The following DHRSX variants were observed in gnomAD, a reference collection of about 807,000 sequenced individuals.
The protein encoded by DHRSX is dehydrogenase/reductase X-linked, also known as polyprenol dehydrogenase.
Under a neutral mutation model 34.0 loss-of-function variants are expected in DHRSX, and 31 were observed. That is an observed-to-expected ratio of 0.91 (90% CI 0.69 to 1.23). The LOEUF (loss-of-function observed/expected upper bound fraction) is 1.23. DHRSX is among the 50% of genes most tolerant of loss of function. The probability of loss-of-function intolerance (pLI) is 0.00; values close to 1 mark genes in which losing one functional copy is unlikely to be tolerated. For synonymous variants in DHRSX, 201 were observed against 183.8 expected, an observed-to-expected ratio of 1.09 and a Z score of -0.76; for missense variants, 414 against 428.1, an observed-to-expected ratio of 0.97 and a Z score of 0.29.
chrX:2,483,879 C>A (rs4492534), intron 1 of DHRSX, among the ~76,000 whole-genome samples: 46,236 of 150,910 alleles, frequency 0.31, 7,984 homozygotes, highest in African/African-American at 0.47. Context: ...TACATTCGTA[C>A]ATTTTTTTTC....
At chrX:2,402,657 C>T (rs1255801234) in intron 3 of DHRSX, among the ~76,000 whole-genome samples, 7 of 152,016 alleles carry the variant, frequency 4.6e-5, no homozygotes, top group Non-Finnish European at 1.0e-4. Flanking sequence ...ATACCAGGGC[C>T]ACCACTGATG....
intron 3 of DHRSX, among the ~76,000 whole-genome samples, chrX:2,357,121 G>A (rs1189213087): frequency 6.6e-6 from 1 of 152,106 alleles, no homozygotes; most frequent in East Asian, 1.9e-4. Flanking sequence ...GCGTGCGCCT[G>A]TAATGCCAGC....
chrX:2,267,409 G>T (rs1274913172), intron 4 of DHRSX, among the ~76,000 whole-genome samples: 6 of 152,198 alleles, frequency 3.9e-5, no homozygotes, highest in African/African-American at 1.4e-4. Context: ...GCCAGGTTTG[G>T]TGGCAGGGTC....
intron 6 of DHRSX, among the ~76,000 whole-genome samples, chrX:2,226,802 A>G (rs999058288): frequency 2.0e-5 from 3 of 152,002 alleles, no homozygotes; most frequent in Non-Finnish European, 4.4e-5. Context: ...CTCAAAAAAA[A>G]AAGAAAGAAA....
At chrX:2,308,777 AAGGGG>A (rs921083411) in intron 3 of DHRSX, among the ~76,000 whole-genome samples, 18 of 144,224 alleles carry the variant, frequency 1.2e-4, no homozygotes, top group East Asian at 2.3e-4. Flanking sequence ...GGAAAGAGGG[AAGGGG>A]AGGGGAGGGG....
chrX:2,484,784 A>C (rs1241867246), intron 1 of DHRSX, among the ~76,000 whole-genome samples: 2 of 151,958 alleles, frequency 1.3e-5, no homozygotes, highest in Non-Finnish European at 2.9e-5. Context: ...CACATCTGAG[A>C]CTCGCAGAAG....
rs190821229 is a variant in DHRSX, at chrX:2,388,624, G to C, written c.286+20121C>G. On this transcript the variant is annotated intron_variant, in intron 3 of 6. Coordinates refer to ENST00000334651, the MANE Select transcript of DHRSX (RefSeq NM_145177.3). ...AGCCACCCAGCCTATGGTATTCTGT[G>C]ATAGCAGCCTGAAATGGACTAAGAT... Among the ~76,000 whole-genome samples, 20 of 151,570 alleles carry C rather than the reference G, an allele frequency of 1.3e-4. 1 individual carries two copies. In the East Asian group the frequency reaches 3.9e-3, roughly 29 times the overall value.
chrX:2,303,692 A>G (rs1163877526), intron 3 of DHRSX, among the ~76,000 whole-genome samples: 1 of 152,072 alleles, frequency 6.6e-6, no homozygotes, highest in African/African-American at 2.4e-5. Context: ...GGATGGACGG[A>G]TGAATTGATG....
At chrX:2,307,357 GTATTT>G (rs1448218406) in intron 3 of DHRSX, among the ~76,000 whole-genome samples, 1 of 152,044 alleles carries the variant, frequency 6.6e-6, no homozygotes, top group Non-Finnish European at 1.5e-5. Context: ...TACCTATGAG[GTATTT>G]TGTTCACCGT....
chrX:2,335,690 G>T (rs1299273186), intron 3 of DHRSX, among the ~76,000 whole-genome samples: 2 of 151,936 alleles, frequency 1.3e-5, no homozygotes, highest in East Asian at 3.9e-4. Flanking sequence ...TTTACCTCGT[G>T]TTCTGCCTGC....
At chrX:2,270,248 A>G (rs1262505320) in intron 4 of DHRSX, among the ~76,000 whole-genome samples, 1 of 152,100 alleles carries the variant, frequency 6.6e-6, no homozygotes, top group African/African-American at 2.4e-5. Context: ...TGAACACTCA[A>G]AACCAAAGCT....
At chrX:2,466,775 A>C (rs2044502859) in intron 1 of DHRSX, among the ~76,000 whole-genome samples, 2 of 152,068 alleles carry the variant, frequency 1.3e-5, no homozygotes, top group Admixed American at 1.3e-4. Context: ...ACCTGAAATC[A>C]AAGTGAAAAA....
intron 1 of DHRSX, among the ~76,000 whole-genome samples, chrX:2,469,865 A>G (rs182866068): frequency 4.6e-5 from 7 of 152,310 alleles, no homozygotes; most frequent in African/African-American, 1.7e-4. Context: ...ATCAGAGGAA[A>G]GAATGGTGTG....
At chrX:2,499,325 C>T (rs2045355119) in intron 1 of DHRSX, among the ~76,000 whole-genome samples, 2 of 152,128 alleles carry the variant, frequency 1.3e-5, no homozygotes, top group South Asian at 2.1e-4. Context: ...TTCAGGGCAA[C>T]GTACACCCCC....
intron 3 of DHRSX, among the ~76,000 whole-genome samples, chrX:2,382,816 CCACCATCAT>C (rs2043226604): frequency 7.0e-6 from 1 of 142,474 alleles, no homozygotes; most frequent in Non-Finnish European, 1.5e-5. Context: ...ACCGTCATCA[CCACCATCAT>C]CACCATCATC....
intron 3 of DHRSX, among the ~76,000 whole-genome samples, chrX:2,398,670 CTTTTTT>C (rs34876710): frequency 3.1e-5 from 4 of 130,012 alleles, no homozygotes; most frequent in African/African-American, 1.2e-4. Context: ...ATGCATATTC[CTTTTTT>C]TTTTTTTTTT....
intron 3 of DHRSX, among the ~76,000 whole-genome samples, chrX:2,377,971 C>T (rs2043161403): frequency 6.6e-6 from 1 of 152,192 alleles, no homozygotes; most frequent in Admixed American, 6.5e-5. Flanking sequence ...ATCTCTTGAC[C>T]TCGTGATCCG....
intron 3 of DHRSX, among the ~76,000 whole-genome samples, chrX:2,346,896 G>C (rs1384525442): frequency 1.3e-5 from 2 of 151,958 alleles, no homozygotes; most frequent in Non-Finnish European, 2.9e-5. Flanking sequence ...GAGAACATGA[G>C]GTGTTTGGTT....
At chrX:2,341,881 C>T (rs911502618) in intron 3 of DHRSX, among the ~76,000 whole-genome samples, 48 of 151,608 alleles carry the variant, frequency 3.2e-4, no homozygotes, top group African/African-American at 1.1e-3. Context: ...GTCAGCTCAC[C>T]GCAACCTCTA....
Sources: gnomAD v4.1 joint callset for allele counts (sites outside exome capture counted in the v4.1 genomes callset) on GRCh38, gnomAD v4.1.1 for gene constraint, MANE v1.5 for transcripts, NCBI Gene and HGNC (gene_info 2026-07-23, HGNC 2026-07-21) for gene names.